The following GLDN variants were observed in gnomAD, a reference collection of about 807,000 sequenced individuals.
GLDN encodes the protein collomin.
A neutral mutation model predicts 56.5 loss-of-function variants in GLDN; 47 were observed. The observed-to-expected ratio is 0.83, with a 90% CI of 0.66 to 1.06. The LOEUF (loss-of-function observed/expected upper bound fraction) is 1.06, where lower values mean the gene tolerates loss of function less well. Ranked by LOEUF, GLDN falls within the 50% of genes least tolerant of loss-of-function variation. GLDN has a pLI of 0.00. For synonymous variants in GLDN, 332 were observed against 278.8 expected (o/e 1.19, Z -1.90); for missense variants, 782 against 714.3 (o/e 1.09, Z -1.08).
chr15:51,396,907 T>C (rs1311646549), intron 5 of GLDN, among the ~76,000 whole-genome samples: 3 of 152,226 alleles, frequency 2.0e-5, no homozygotes, highest in Non-Finnish European at 2.9e-5. Context: ...TTTGACAGGG[T>C]AATATACATA....
At chr15:51,395,160 C>T (rs2038100105) in intron 5 of GLDN, among the ~76,000 whole-genome samples, 179 bp downstream of exon 5, 1 of 152,154 alleles carries the variant, frequency 6.6e-6, no homozygotes, top group Non-Finnish European at 1.5e-5. Flanking sequence ...CATGTTACTC[C>T]ATGTGGCAAG....
chr15:51,397,997 A>G (rs2038171758), intron 6 of GLDN, among the ~76,000 whole-genome samples: 1 of 152,238 alleles, frequency 6.6e-6, no homozygotes, highest in South Asian at 2.1e-4. Flanking sequence ...TTAGGTCCTC[A>G]CGAATAGTAA....
Position 51,404,366 on chromosome 15 carries a change from C to T in GLDN, c.1268C>T (p.Thr423Ile). Residue 423 changes from threonine to isoleucine, a missense_variant, in exon 10 of 10, where the codon ACT (threonine) becomes ATT (isoleucine). Physicochemically the swap from Thr to Ile is moderately conservative, Grantham distance 89. Coordinates refer to ENST00000335449, the MANE Select transcript of GLDN (RefSeq NM_181789.4). ...AAATACCTTTTTGCAAATTCCAAAA[C>T]TTACTTCAATCTAGCTGTAGATGAA... is the stretch of plus-strand genomic sequence containing the variant. The part of the protein sequence containing the change: ...DRKYLFANSK[T>I]YFNLAVDEKG... 6.2e-7 allele frequency: 1 copy of T among 1,614,074 alleles called. No homozygotes were observed. Among genetic ancestry groups the T allele is most frequent in the Non-Finnish European group, 8.5e-7 (1 of 1,179,998 alleles).
chr15:51,404,198 T>G, intron 9 of GLDN, 79 bp from the exon 10 acceptor site: 1 of 1,141,632 alleles, frequency 8.8e-7, no homozygotes, highest in Non-Finnish European at 1.2e-6. Context: ...ACTAACTCAG[T>G]TTAATAGAGG....
At chr15:51,382,078 A>G (rs1376150615) in intron 2 of GLDN, among the ~76,000 whole-genome samples, 1 of 152,084 alleles carries the variant, frequency 6.6e-6, no homozygotes, top group Non-Finnish European at 1.5e-5. Context: ...CCTGAATCTT[A>G]TAAGTCCCCA....
Position 51,355,625 on chromosome 15 carries a change from G to A in GLDN, c.363+13578G>A, listed in dbSNP as rs188776945. On this transcript the variant is annotated intron_variant, in intron 1 of 9. Transcript: ENST00000335449. ...TTTAACCTCCGCCTCCTGGGTTCAA[G>A]CGATTCTCCTGCCTCAGCCTCCTGA... Among the ~76,000 whole-genome samples the A allele has an allele frequency of 1.0e-2, 1,495 of 149,954 alleles. 42 individuals carry two copies. Among genetic ancestry groups the A allele is most frequent in the Non-Finnish European group, 7.9e-3 (535 of 67,650 alleles).
intron 6 of GLDN, among the ~76,000 whole-genome samples, chr15:51,399,512 A>G (rs1424197911): frequency 6.6e-6 from 1 of 152,144 alleles, no homozygotes; most frequent in African/African-American, 2.4e-5. Flanking sequence ...GACACTGATA[A>G]CCTGAGGAGG....
At chr15:51,391,496 A>T (rs1338890245) in intron 4 of GLDN, among the ~76,000 whole-genome samples, 1 of 152,208 alleles carries the variant, frequency 6.6e-6, no homozygotes, top group Non-Finnish European at 1.5e-5. Flanking sequence ...TGCACTGTGC[A>T]GGCTGGACTC....
chr15:51,347,140 A>G (rs1165184339), intron 1 of GLDN, among the ~76,000 whole-genome samples: 2 of 152,174 alleles, frequency 1.3e-5, no homozygotes, highest in African/African-American at 4.8e-5. Context: ...TAATACACTT[A>G]ATGTTCCTAA....
chr15:51,380,028 C>T lies in GLDN; in HGVS notation c.415+2528C>T, dbSNP rs148947043. Among the ~76,000 whole-genome samples the T allele has an allele frequency of 5.7e-3, 872 of 152,234 alleles. 4 individuals are homozygous for T. The highest frequency in any genetic ancestry group is 9.3e-3 in the Non-Finnish European group (630 of 68,010). On this transcript the variant is annotated intron_variant, in intron 2 of 9. Transcript: ENST00000335449. ...GCACCACTCAGCCCCACCTTTCCTG[C>T]ACTTGTGCCCCAGCCCCTACCAGAG...
intron 1 of GLDN, among the ~76,000 whole-genome samples, chr15:51,342,741 G>T (rs1308342216): frequency 6.6e-6 from 1 of 152,122 alleles, no homozygotes; most frequent in Non-Finnish European, 1.5e-5. Context: ...CTGCGGATTG[G>T]TCTCCCCACT....
chr15:51,372,031 A>G (rs2037527514), intron 1 of GLDN, among the ~76,000 whole-genome samples: 1 of 152,164 alleles, frequency 6.6e-6, no homozygotes, highest in Non-Finnish European at 1.5e-5. Context: ...TCTAGGGTTG[A>G]TGGGCTGCAT....
chr15:51,362,028 G>A (rs1193204166), intron 1 of GLDN, among the ~76,000 whole-genome samples: 1 of 152,156 alleles, frequency 6.6e-6, no homozygotes, highest in African/African-American at 2.4e-5. Flanking sequence ...TGACTGAGGA[G>A]GCAACATTTG....
At chr15:51,366,387 G>A (rs941686543) in intron 1 of GLDN, among the ~76,000 whole-genome samples, 5 of 152,226 alleles carry the variant, frequency 3.3e-5, no homozygotes, top group Admixed American at 6.5e-5. Context: ...GACTGGGCAA[G>A]GCTGAAAACC....
At chr15:51,394,772 A>G (rs748609847) in intron 4 of GLDN, 63 bp from the exon 5 acceptor site, 41 of 1,570,174 alleles carry the variant, frequency 2.6e-5, no homozygotes, top group Non-Finnish European at 3.2e-5. Flanking sequence ...GCACAGTAAT[A>G]TAAAGTGGTG....
In GLDN at chr15:51,341,937, G is replaced by C. The variant is rs534519385; in HGVS notation, c.253G>C (p.Asp85His). 1.4e-5 allele frequency: 23 copies of C among 1,596,980 alleles called. 1 individual carries two copies. In the South Asian group the frequency reaches 1.8e-4, roughly 12 times the overall value. The stretch of plus-strand genomic sequence containing the variant: ...GCGCGGGGCGTCCGCACCACCCCAA[G>C]ACCCGGCCAGCTCAGCTCGCAACAA... ...APRGASAPPQ[D>H]PASSARNKRS... Residue 85 changes from aspartate (D) to histidine (H), a missense_variant, in exon 1 of 10, where the codon GAC (aspartate) becomes CAC (histidine). Transcript: ENST00000335449.
At chr15:51,369,952 C>G (rs983330515) in intron 1 of GLDN, among the ~76,000 whole-genome samples, 2 of 152,048 alleles carry the variant, frequency 1.3e-5, no homozygotes, top group African/African-American at 4.8e-5. Flanking sequence ...TCTATCACTA[C>G]AAAAAGTAAA....
At chr15:51,372,570 C>G (rs938066593) in intron 1 of GLDN, among the ~76,000 whole-genome samples, 7 of 152,202 alleles carry the variant, frequency 4.6e-5, no homozygotes, top group African/African-American at 1.7e-4. Flanking sequence ...TAAGTCTGTC[C>G]TCCATGCTAG....
chr15:51,395,844 T>G (rs952020713), intron 5 of GLDN, among the ~76,000 whole-genome samples: 4 of 152,164 alleles, frequency 2.6e-5, no homozygotes, highest in Non-Finnish European at 5.9e-5. Flanking sequence ...TGGAGAGGCC[T>G]CAGGAAACTT....
Sources: allele counts gnomAD v4.1 joint callset (sites outside exome capture counted in the v4.1 genomes callset), GRCh38; gene constraint gnomAD v4.1.1; transcripts MANE v1.5; gene names NCBI Gene and HGNC (gene_info 2026-07-23, HGNC 2026-07-21).